LRRC4C: variants seen among roughly 807,000 people sequenced by gnomAD.
The protein encoded by LRRC4C is leucine rich repeat containing 4C.
In LRRC4C, 5 loss-of-function variants were observed where a neutral mutation model predicts 33.6. That is an observed-to-expected ratio of 0.15 (90% CI 0.08 to 0.31). The LOEUF is 0.31. Among genes scored for constraint, LRRC4C ranks in the 10% least tolerant of loss-of-function variants. LRRC4C has a pLI of 1.00. For missense variants in LRRC4C, 560 were observed against 796.7 expected (o/e 0.70, Z 3.58); for synonymous variants, 329 against 302.0 (o/e 1.09, Z -0.93).
intron 1 of LRRC4C, among the ~76,000 whole-genome samples, chr11:41,395,998 C>T (rs757232690): frequency 2.6e-5 from 4 of 152,012 alleles, no homozygotes; most frequent in Non-Finnish European, 5.9e-5. Context: ...TTGAATGCGG[C>T]CCAACACAAG....
chr11:40,410,368 A>C (rs182399719), intron 3 of LRRC4C, among the ~76,000 whole-genome samples: 3 of 152,214 alleles, frequency 2.0e-5, no homozygotes, highest in Admixed American at 2.0e-4. Flanking sequence ...TTTTGCACTA[A>C]ATCATCAAAG....
chr11:40,437,002 G>C (rs16934830), intron 3 of LRRC4C, among the ~76,000 whole-genome samples: 57,062 of 152,012 alleles, frequency 0.38, 11,407 homozygotes, highest in East Asian at 0.52. Context: ...TCGCTCTGGA[G>C]CAGTCAGGGA....
chr11:41,225,063 G>T (rs889487037), intron 1 of LRRC4C, among the ~76,000 whole-genome samples: 1 of 152,086 alleles, frequency 6.6e-6, no homozygotes, highest in African/African-American at 2.4e-5. Context: ...TTATCTGTGG[G>T]ATCTACAAAT....
intron 5 of LRRC4C, among the ~76,000 whole-genome samples, chr11:40,172,335 A>G (rs549165990): frequency 6.6e-6 from 1 of 152,272 alleles, no homozygotes; most frequent in South Asian, 2.1e-4. Context: ...CTTTAGCAGT[A>G]TTCCTACTGA....
chr11:41,161,912 T>C (rs553084963), intron 1 of LRRC4C, among the ~76,000 whole-genome samples: 1 of 152,172 alleles, frequency 6.6e-6, no homozygotes, highest in Non-Finnish European at 1.5e-5. Context: ...GGGACATTAA[T>C]ACAGAAAAAA....
chr11:40,627,367 A>T (rs1204072506), intron 3 of LRRC4C, among the ~76,000 whole-genome samples: 1 of 151,996 alleles, frequency 6.6e-6, no homozygotes, highest in Non-Finnish European at 1.5e-5. Flanking sequence ...TGATTTTCGG[A>T]GTTGGAAAGT....
chr11:40,417,300 C>T (rs1053463933), intron 3 of LRRC4C, among the ~76,000 whole-genome samples: 1 of 151,146 alleles, frequency 6.6e-6, no homozygotes, highest in African/African-American at 2.4e-5. Flanking sequence ...ACAGAGGAAA[C>T]ATAAAATATG....
chr11:40,882,144 A>AT (rs1292028061), intron 2 of LRRC4C, among the ~76,000 whole-genome samples: 2 of 152,106 alleles, frequency 1.3e-5, no homozygotes, highest in Non-Finnish European at 2.9e-5. Flanking sequence ...AATTTTGTTT[A>AT]TAAAAACTGA....
At chr11:41,433,466 A>G (rs60327589) in intron 1 of LRRC4C, among the ~76,000 whole-genome samples, 324 of 152,320 alleles carry the variant, frequency 2.1e-3, no homozygotes, top group African/African-American at 7.2e-3. Flanking sequence ...GATGCAAAGT[A>G]TTGATCCAGG....
At chr11:41,157,126 C>G (rs573328400) in intron 1 of LRRC4C, among the ~76,000 whole-genome samples, 2 of 152,078 alleles carry the variant, frequency 1.3e-5, no homozygotes, top group African/African-American at 2.4e-5. Context: ...TTCCCAGCTT[C>G]CAGAACTGAC....
intron 4 of LRRC4C, among the ~76,000 whole-genome samples, chr11:40,300,647 G>A (rs533845007): frequency 3.3e-5 from 5 of 152,320 alleles, no homozygotes; most frequent in African/African-American, 1.2e-4. Flanking sequence ...GTATTTGCAT[G>A]TAATCTGTGG....
At chr11:41,330,642 G>T (rs1262906892) in intron 1 of LRRC4C, among the ~76,000 whole-genome samples, 1 of 152,040 alleles carries the variant, frequency 6.6e-6, no homozygotes, top group African/African-American at 2.4e-5. Context: ...GTGCAATCTT[G>T]CTCACTGCAG....
intron 3 of LRRC4C, among the ~76,000 whole-genome samples, chr11:40,358,003 T>G (rs1204888208): frequency 6.6e-6 from 1 of 151,888 alleles, no homozygotes; most frequent in Non-Finnish European, 1.5e-5. Flanking sequence ...GCCAACATGG[T>G]GAAACCAGGT....
At chr11:40,282,099 C>T (rs777342337) in intron 4 of LRRC4C, among the ~76,000 whole-genome samples, 5 of 151,940 alleles carry the variant, frequency 3.3e-5, no homozygotes, top group East Asian at 1.9e-4. Context: ...ATAAATCTTT[C>T]GCACTTTTGG....
At chr11:40,194,435 AAGAGTTCCTG>A (rs1862082976) in intron 5 of LRRC4C, among the ~76,000 whole-genome samples, 2 of 152,194 alleles carry the variant, frequency 1.3e-5, no homozygotes, top group Non-Finnish European at 1.5e-5. Flanking sequence ...CCTGCCTTAC[AAGAGTTCCTG>A]AAGAAAGAGT....
intron 1 of LRRC4C, among the ~76,000 whole-genome samples, chr11:41,243,021 C>T (rs528103466): frequency 7.9e-5 from 12 of 152,238 alleles, no homozygotes; most frequent in African/African-American, 2.2e-4. Flanking sequence ...AATAAAAGCA[C>T]ATTCCGTCAA....
intron 1 of LRRC4C, among the ~76,000 whole-genome samples, chr11:41,050,679 T>A (rs1858142673): frequency 6.6e-6 from 1 of 152,204 alleles, no homozygotes; most frequent in South Asian, 2.1e-4. Flanking sequence ...CATTTTTTTA[T>A]CCAGTCTATC....
intron 1 of LRRC4C, among the ~76,000 whole-genome samples, chr11:41,182,865 G>T (rs1429211203): frequency 6.7e-6 from 1 of 149,518 alleles, no homozygotes; most frequent in Non-Finnish European, 1.5e-5. Flanking sequence ...AAAAAAAAAG[G>T]TTTAATGTAC....
chr11:41,393,914 A>G (rs1565637399), intron 1 of LRRC4C, among the ~76,000 whole-genome samples: 1 of 151,960 alleles, frequency 6.6e-6, no homozygotes, highest in African/African-American at 2.4e-5. Flanking sequence ...CAACTAGTCT[A>G]TATGTGTATT....
Sources: gnomAD v4.1 joint callset for allele counts (sites outside exome capture counted in the v4.1 genomes callset) on GRCh38, gnomAD v4.1.1 for gene constraint, MANE v1.5 for transcripts, NCBI Gene and HGNC (gene_info 2026-07-23, HGNC 2026-07-21) for gene names.